Variants in KLF5 observed in about 807,000 individuals in gnomAD.
KLF5 encodes Krueppel-like factor 5.
A neutral mutation model predicts 36.9 loss-of-function variants in KLF5; 9 were observed. The ratio of observed to expected loss-of-function variants is 0.24; its 90% CI spans 0.15 to 0.43. The LOEUF is 0.43. KLF5 is among the 20% of genes least tolerant of loss of function. The pLI is 1.00. For synonymous variants in KLF5, 246 were observed against 241.7 expected, an observed-to-expected ratio of 1.02 and a Z score of -0.17; for missense variants, 524 against 599.5, an observed-to-expected ratio of 0.87 and a Z score of 1.31.
At chr13:73,075,260 A>AT (rs2139119931) in intron 3 of KLF5, among the ~76,000 whole-genome samples, 1 of 152,248 alleles carries the variant, frequency 6.6e-6, no homozygotes, top group East Asian at 1.9e-4. Context: ...CAGCTTCTGA[A>AT]TTTTTTCCTC....
chr13:73,065,962 A>T (rs2044676568), intron 3 of KLF5, among the ~76,000 whole-genome samples: 1 of 152,228 alleles, frequency 6.6e-6, no homozygotes, highest in East Asian at 1.9e-4. Context: ...TTGTCTTAAC[A>T]ATGCTTGTAC....
At chr13:73,063,549 A>C (rs137917838) in intron 2 of KLF5, among the ~76,000 whole-genome samples, 12 of 152,240 alleles carry the variant, frequency 7.9e-5, no homozygotes, top group African/African-American at 2.4e-4. Flanking sequence ...ACGGAAGTAC[A>C]GCACCTACTG....
chr13:73,061,607 T>C (rs567451900), intron 1 of KLF5, among the ~76,000 whole-genome samples: 2 of 152,348 alleles, frequency 1.3e-5, no homozygotes, highest in South Asian at 4.1e-4. Context: ...TTTTTTATTC[T>C]TGATTTGCGT....
chr13:73,067,385 G>T (rs1028674854), intron 3 of KLF5, among the ~76,000 whole-genome samples: 17 of 152,126 alleles, frequency 1.1e-4, no homozygotes, highest in African/African-American at 4.1e-4. Flanking sequence ...AAAATATATT[G>T]ACTGTATCTT....
chr13:73,055,374 A>AT (rs2044577242), upstream of KLF5, among the ~76,000 whole-genome samples: 1 of 152,232 alleles, frequency 6.6e-6, no homozygotes, highest in Admixed American at 6.5e-5. Flanking sequence ...GTCTTAAGAC[A>AT]TAATTTTAAT....
At position 73,076,710 on chromosome 13, in the gene KLF5, T is replaced by C. The variant is rs746461392; in HGVS notation, c.*824T>C. 19 of 152,306 alleles carry C rather than the reference T, an allele frequency of 1.2e-4. No homozygotes were observed. The highest frequency in any genetic ancestry group is 1.0e-3 in the South Asian group (5 of 4,832). The allele number at this position is 152,306 out of a possible 1,614,324, so 9.4% of individuals were successfully genotyped here. On this transcript the variant is annotated 3_prime_UTR_variant, in exon 4 of 4. Transcript: ENST00000377687. The stretch of plus-strand genomic sequence containing the variant: ...AATTATAAACTGAAGAGCTTAAAGA[T>C]AGTTACAAAATACAAAAGTTCAACC...
intron 3 of KLF5, among the ~76,000 whole-genome samples, chr13:73,064,780 T>C (rs1253513036): frequency 6.6e-6 from 1 of 152,114 alleles, no homozygotes; most frequent in African/African-American, 2.4e-5. Flanking sequence ...CTGACATCTT[T>C]ATCCACCTGC....
At chr13:73,058,709 T>A (rs933976746), upstream of KLF5, 19 of 152,580 alleles carry the variant, frequency 1.2e-4, no homozygotes, top group African/African-American at 4.6e-4. Flanking sequence ...TTCCCCCTCT[T>A]CCCAGATTCC....
upstream of KLF5, among the ~76,000 whole-genome samples, chr13:73,057,722 G>A (rs559527392): frequency 3.3e-5 from 5 of 152,284 alleles, no homozygotes; most frequent in South Asian, 1.0e-3. Flanking sequence ...TGAATAGGCT[G>A]TGGTATATGT....
At chr13:73,066,321 G>GTT (rs34566215) in intron 3 of KLF5, among the ~76,000 whole-genome samples, 3,137 of 146,584 alleles carry the variant, frequency 0.021, 108 homozygotes, top group African/African-American at 0.072. Flanking sequence ...CAGCAAAGGT[G>GTT]TTTTTTTTTT....
Position 73,059,855 on chromosome 13 carries a change from CT to C in KLF5, c.261+268del, listed in dbSNP as rs1350816756. 2.3e-4 allele frequency: 224 copies of C among 954,128 alleles called. No individual in the cohort carries two copies. In the Middle Eastern group the frequency reaches 2.7e-3, roughly 11 times the overall value. 59.1% of individuals were successfully genotyped at this position (954,128 alleles called of 1,614,324 possible). ...CCTGGGAGAGGTAAGAGGGAGGGAA[CT>C]GGGTGCTCACGCGCACCTTAGTTGT... On this transcript the variant is annotated intron_variant, in intron 1 of 3. Coordinates refer to ENST00000377687, the MANE Select transcript of KLF5 (RefSeq NM_001730.5).
intron 3 of KLF5, among the ~76,000 whole-genome samples, chr13:73,065,531 AT>A (rs2044672701): frequency 3.3e-5 from 5 of 152,204 alleles, no homozygotes; most frequent in Admixed American, 1.3e-4. Context: ...AAGAGGAAGG[AT>A]CCTTCATAGG....
chr13:73,066,839 T>C (rs1329598565), intron 3 of KLF5, among the ~76,000 whole-genome samples: 4 of 152,182 alleles, frequency 2.6e-5, no homozygotes, highest in African/African-American at 9.7e-5. Context: ...TATCAGGAAA[T>C]CGCATATAAA....
intron 3 of KLF5, among the ~76,000 whole-genome samples, chr13:73,066,659 G>A (rs979678710): frequency 6.6e-6 from 1 of 152,172 alleles, no homozygotes; most frequent in Non-Finnish European, 1.5e-5. Context: ...TGGATTTTTA[G>A]ATTGGAAGTG....
At chr13:73,056,935 T>G (rs559775320), upstream of KLF5, among the ~76,000 whole-genome samples, 11 of 52,990 alleles carry the variant, frequency 2.1e-4, no homozygotes, top group African/African-American at 4.6e-4. Flanking sequence ...AGTTGTATGG[T>G]TTTTTTTTTG....
At chr13:73,060,315 C>G (rs1367562272) in intron 1 of KLF5, among the ~76,000 whole-genome samples, 1 of 152,066 alleles carries the variant, frequency 6.6e-6, no homozygotes, top group Admixed American at 6.5e-5. Context: ...CGCAGGGAGT[C>G]ATATAGCCCA....
chr13:73,059,188 G>T lies in KLF5; in HGVS notation c.-140G>T, dbSNP rs1375742535. ...CTTTTCGTGCGCGCCTTCGAAAACT[G>T]CCTGCCGCTGTCTGAGGAGTCCACC... On this transcript the variant is annotated 5_prime_UTR_variant, in exon 1 of 4. Transcript: ENST00000377687. 2 of 760,156 alleles carry T rather than the reference G, an allele frequency of 2.6e-6. No homozygotes were observed. Among genetic ancestry groups the T allele is most frequent in the African/African-American group, 3.6e-5 (2 of 54,888 alleles). 47.1% of individuals were successfully genotyped at this position (760,156 alleles called of 1,614,324 possible).
chr13:73,070,646 A>G (rs1382462909), intron 3 of KLF5, among the ~76,000 whole-genome samples: 1 of 152,196 alleles, frequency 6.6e-6, no homozygotes, highest in Non-Finnish European at 1.5e-5. Context: ...GGTTTGGCAG[A>G]TCAGTGCTTT....
intron 3 of KLF5, among the ~76,000 whole-genome samples, chr13:73,068,414 C>A (rs1210132527): frequency 1.3e-5 from 2 of 152,086 alleles, no homozygotes; most frequent in Non-Finnish European, 2.9e-5. Flanking sequence ...ATATGAATTT[C>A]TTTTCTAGGG....
Sources: allele counts gnomAD v4.1 joint callset (sites outside exome capture counted in the v4.1 genomes callset), GRCh38; gene constraint gnomAD v4.1.1; transcripts MANE v1.5; gene names NCBI Gene and HGNC (gene_info 2026-07-23, HGNC 2026-07-21).